POLDIP3: variants seen among roughly 807,000 people sequenced by gnomAD.
The protein encoded by POLDIP3 is polymerase delta-interacting protein 3.
Under a neutral mutation model 45.1 loss-of-function variants are expected in POLDIP3, and 14 were observed. That is an observed-to-expected ratio of 0.31 (90% CI 0.20 to 0.49). The LOEUF (loss-of-function observed/expected upper bound fraction) is 0.49, where lower values mean the gene tolerates loss of function less well. Ranked by LOEUF, POLDIP3 falls within the 20% of genes least tolerant of loss-of-function variation. The pLI is 0.99. For missense variants in POLDIP3, 511 were observed against 538.8 expected (o/e 0.95, Z 0.51); for synonymous variants, 223 against 205.2 (o/e 1.09, Z -0.74).
At chr22:42,601,197 T>G (rs1926344625) in intron 3 of POLDIP3, among the ~76,000 whole-genome samples, 1 of 151,746 alleles carries the variant, frequency 6.6e-6, no homozygotes, top group Non-Finnish European at 1.5e-5. Flanking sequence ...TTTTCTATAT[T>G]AAGCACATAG....
At chr22:42,609,101 C>T (rs548104297) in intron 1 of POLDIP3, among the ~76,000 whole-genome samples, 42 of 152,316 alleles carry the variant, frequency 2.8e-4, no homozygotes, top group African/African-American at 9.9e-4. Context: ...GTTACCCTCC[C>T]GCTTCTAGAA....
intron 5 of POLDIP3, 77 bp from the exon 6 acceptor site, chr22:42,595,691 G>A: frequency 2.2e-6 from 3 of 1,365,862 alleles, no homozygotes; most frequent in African/African-American, 1.4e-5. Flanking sequence ...CTCCAGGCAC[G>A]TGACTAGGAA....
chr22:42,599,664 G>A (rs769432137), intron 4 of POLDIP3, 34 bp downstream of exon 4: 1 of 1,461,076 alleles, frequency 6.8e-7, no homozygotes, highest in Non-Finnish European at 9.6e-7. Flanking sequence ...TGCCTGATCA[G>A]ACACGCAGTG....
intron 7 of POLDIP3, among the ~76,000 whole-genome samples, chr22:42,591,705 G>T (rs938483837): frequency 1.3e-5 from 2 of 152,208 alleles, no homozygotes; most frequent in African/African-American, 2.4e-5. Flanking sequence ...CCCCTTAAGA[G>T]AACCATCCAT....
chr22:42,588,909 G>A (rs1007633316), intron 7 of POLDIP3, among the ~76,000 whole-genome samples: 8 of 152,178 alleles, frequency 5.3e-5, no homozygotes, highest in African/African-American at 1.9e-4. Flanking sequence ...GCCCAGCCTA[G>A]GAAACACATT....
intron 5 of POLDIP3, 123 bp from the exon 6 acceptor site, chr22:42,595,737 A>C: frequency 2.4e-6 from 2 of 823,946 alleles, no homozygotes; most frequent in East Asian, 2.5e-5. Flanking sequence ...GTTACCACAA[A>C]TGGGCCCCCT....
Position 42,592,099 on chromosome 22 carries a change from A to G in POLDIP3, c.892-15T>C. Reference sequence around the variant, plus strand: ...CAGAAAAGCTCCTGCACACAACAAGAGGGGTTGGGATTGGGGAAGGATTTC... The same window carrying G: ...CAGAAAAGCTCCTGCACACAACAAGGGGGGTTGGGATTGGGGAAGGATTTC... On this transcript the variant is annotated splice_polypyrimidine_tract_variant and intron_variant, in intron 6 of 8. Transcript: ENST00000252115. 1 of 1,613,960 alleles carries G rather than the reference A, an allele frequency of 6.2e-7. No homozygotes were observed. Among genetic ancestry groups the G allele is most frequent in the Non-Finnish European group, 8.5e-7 (1 of 1,179,862 alleles).
intron 1 of POLDIP3, among the ~76,000 whole-genome samples, chr22:42,607,110 CA>C (rs933120735): frequency 6.6e-6 from 1 of 152,000 alleles, no homozygotes; most frequent in East Asian, 1.9e-4. Context: ...ACAAAAGATA[CA>C]AAAAAAATTC....
At chr22:42,605,750 G>C (rs1460924664) in intron 1 of POLDIP3, among the ~76,000 whole-genome samples, 1 of 152,124 alleles carries the variant, frequency 6.6e-6, no homozygotes, top group Admixed American at 6.5e-5. Context: ...GTGGTAGATG[G>C]CATCCACCCT....
At chr22:42,600,168 C>G (rs1926261685) in intron 3 of POLDIP3, among the ~76,000 whole-genome samples, 1 of 152,120 alleles carries the variant, frequency 6.6e-6, no homozygotes, top group Non-Finnish European at 1.5e-5. Context: ...ATGTTCACAG[C>G]AGAAGGATTT....
intron 6 of POLDIP3, among the ~76,000 whole-genome samples, chr22:42,594,633 C>T (rs1737309757): frequency 6.6e-6 from 1 of 152,368 alleles, no homozygotes; most frequent in African/African-American, 2.4e-5. Flanking sequence ...TGTGATCTGA[C>T]AGTTCAAAGG....
chr22:42,599,587 A>T, intron 4 of POLDIP3, 111 bp downstream of exon 4: 1 of 788,744 alleles, frequency 1.3e-6, no homozygotes, highest in Non-Finnish European at 2.1e-6. Context: ...AGCCTGGGGG[A>T]GAAGAGCGAG....
intron 2 of POLDIP3, 21 bp downstream of exon 2, chr22:42,602,749 A>G (rs1287006679): frequency 1.9e-6 from 3 of 1,568,024 alleles, no homozygotes; most frequent in Non-Finnish European, 2.6e-6. Context: ...CTGGGAATTC[A>G]TGACAAAAGC....
At chr22:42,610,881 G>T (rs1394039580) in intron 1 of POLDIP3, among the ~76,000 whole-genome samples, 1 of 152,130 alleles carries the variant, frequency 6.6e-6, no homozygotes, top group African/African-American at 2.4e-5. Context: ...ACTCCAGCCT[G>T]GATGACAGAG....
intron 4 of POLDIP3, 71 bp downstream of exon 4, chr22:42,599,627 G>A (rs778165148): frequency 1.8e-5 from 21 of 1,165,416 alleles, no homozygotes; most frequent in Middle Eastern, 1.9e-4. Context: ...AAAACAACAG[G>A]TTCTATTCAA....
In POLDIP3 at chr22:42,599,715, C is replaced by A; in HGVS notation, c.616G>T (p.Gly206Cys). The change falls in exon 4 of 9, where the codon GGC becomes TGC. Residue 206 changes from glycine to cysteine, a missense_variant. Physicochemically the swap from Gly to Cys is radical, Grantham distance 159. Transcript: ENST00000252115. ...TKQMKFAASG[G>C]FLHHMAGLSS... Reference sequence around the variant, plus strand: ...TGCCATACCATGTGGTGGAGAAAGCCGCCTGAGGCTGCAAACTTCATCTGT... The same window carrying A: ...TGCCATACCATGTGGTGGAGAAAGCAGCCTGAGGCTGCAAACTTCATCTGT... The A allele has an allele frequency of 6.2e-7, 1 of 1,609,330 alleles. No homozygotes were observed.
intron 7 of POLDIP3, among the ~76,000 whole-genome samples, chr22:42,591,069 AAAAAAAT>A (rs200730560): frequency 0.11 from 14,939 of 139,044 alleles, 1,295 homozygotes; most frequent in East Asian, 0.54. Flanking sequence ...GAGAAACTCA[AAAAAAAT>A]AAAAAAATAA....
rs2146792365 is a variant in POLDIP3, at chr22:42,584,043, G to A, written c.*1748C>T. The A allele has an allele frequency of 6.6e-6, 1 of 152,616 alleles. No individual in the cohort carries two copies. Among genetic ancestry groups the A allele is most frequent in the Admixed American group, 6.5e-5 (1 of 15,296 alleles). 9.5% of individuals were successfully genotyped at this position (152,616 alleles called of 1,614,324 possible). ...AAGATACCTGCTTTGGGATGAGAGG[G>A]AGGATAAAGCCATGCAGGGAGGATA... On this transcript the variant is annotated 3_prime_UTR_variant, in exon 9 of 9. Transcript: ENST00000252115.
Position 42,599,742 on chromosome 22 carries a change from T to C in POLDIP3, c.589A>G (p.Lys197Glu), listed in dbSNP as rs148681314. Residue 197 changes from lysine (K) to glutamate (E), a missense_variant, in exon 4 of 9, where the codon AAA (lysine) becomes GAA (glutamate). Transcript: ENST00000252115. ...CCTGAGGCTGCAAACTTCATCTGTT[T>C]AGTAGGAACGGAAGCTATACCATCA... ...DDDGIASVPTKQMKFAASGGF... is the reference protein window; with the variant it reads ...DDDGIASVPTEQMKFAASGGF... 1.8e-5 allele frequency: 29 copies of C among 1,612,650 alleles called. No homozygotes were observed. The highest frequency in any genetic ancestry group is 1.7e-4 in the Middle Eastern group (1 of 6,056).
Sources: gnomAD v4.1 joint callset for allele counts (sites outside exome capture counted in the v4.1 genomes callset) on GRCh38, gnomAD v4.1.1 for gene constraint, MANE v1.5 for transcripts, NCBI Gene and HGNC (gene_info 2026-07-23, HGNC 2026-07-21) for gene names.